The following SLC71A2 variants were observed in gnomAD, a reference collection of about 807,000 sequenced individuals.
SLC71A2 encodes hippocampus abundant transcript-like 1.
the SLC71A2 span, chr9:94,460,866 TTGGTTTTTAG>T: frequency 6.6e-6 from 1 of 152,218 alleles, no homozygotes; most frequent in South Asian, 2.1e-4. Context: ...TACTATGCTA[TTGGTTTTTAG>T]GTTAAGCTTC....
the SLC71A2 span, chr9:94,444,963 G>A: frequency 6.2e-7 from 1 of 1,613,300 alleles, no homozygotes; most frequent in Non-Finnish European, 8.5e-7. Flanking sequence ...CTTTCCCACA[G>A]GTCTCAGCCA....
the SLC71A2 span, among the ~76,000 whole-genome samples, chr9:94,455,011 G>A: frequency 1.3e-5 from 2 of 152,058 alleles, no homozygotes; most frequent in Non-Finnish European, 1.5e-5. Context: ...CATTTTAGAC[G>A]GTAGAGCTGG....
At chr9:94,460,122 G>C in the SLC71A2 span, 1 of 152,268 alleles carries the variant, frequency 6.6e-6, no homozygotes, top group Non-Finnish European at 1.5e-5. Context: ...TCCTGGACCT[G>C]GTGTCCTGGT....
the SLC71A2 span, among the ~76,000 whole-genome samples, chr9:94,450,784 T>C: frequency 1.1e-4 from 17 of 152,188 alleles, no homozygotes; most frequent in African/African-American, 4.1e-4. Context: ...CCACTGCACC[T>C]AGCCCCAAAA....
the SLC71A2 span, chr9:94,458,263 T>A: frequency 6.5e-7 from 1 of 1,533,600 alleles, no homozygotes; most frequent in Non-Finnish European, 8.9e-7. Context: ...ACTGTGCAGC[T>A]CCAAATCTTG....
chr9:94,435,947 G>C, the SLC71A2 span, among the ~76,000 whole-genome samples: 1 of 149,254 alleles, frequency 6.7e-6, no homozygotes, highest in South Asian at 2.2e-4. Flanking sequence ...CACCATACCT[G>C]GCCCCTTTTT....
At chr9:94,409,129 CTTTTTTTTT>C in the SLC71A2 span, among the ~76,000 whole-genome samples, 265 of 68,240 alleles carry the variant, frequency 3.9e-3, 3 homozygotes, top group African/African-American at 0.017. Context: ...GCCCGGCCTC[CTTTTTTTTT>C]TTTTTTTTTT....
At chr9:94,409,654 T>G in the SLC71A2 span, among the ~76,000 whole-genome samples, 5 of 152,316 alleles carry the variant, frequency 3.3e-5, no homozygotes, top group East Asian at 1.9e-4. Flanking sequence ...ATTCAACTGG[T>G]GTGTTACATT....
At chr9:94,437,938 T>A in the SLC71A2 span, among the ~76,000 whole-genome samples, 1 of 150,552 alleles carries the variant, frequency 6.6e-6, no homozygotes, top group Non-Finnish European at 1.5e-5. Context: ...TTAGATTTTA[T>A]TTTAATTAGA....
the SLC71A2 span, among the ~76,000 whole-genome samples, chr9:94,397,671 C>T: frequency 6.6e-6 from 1 of 152,104 alleles, no homozygotes; most frequent in African/African-American, 2.4e-5. Context: ...GTTTCCTAGG[C>T]GCTCCTTGTT....
the SLC71A2 span, among the ~76,000 whole-genome samples, chr9:94,451,979 G>C: frequency 1.3e-5 from 2 of 152,162 alleles, no homozygotes; most frequent in Non-Finnish European, 2.9e-5. Flanking sequence ...GGGGGCCTCT[G>C]GTGCTCCCCT....
At chr9:94,409,262 C>T in the SLC71A2 span, among the ~76,000 whole-genome samples, 1 of 145,506 alleles carries the variant, frequency 6.9e-6, no homozygotes, top group Non-Finnish European at 1.5e-5. Flanking sequence ...ACTGCAGCCT[C>T]CCAAATAGCT....
chr9:94,411,422 T>C, the SLC71A2 span, among the ~76,000 whole-genome samples: 1 of 151,208 alleles, frequency 6.6e-6, no homozygotes, highest in Non-Finnish European at 1.5e-5. Context: ...TGTGATGTTA[T>C]GATTGATCAG....
At chr9:94,379,449 G>A in the SLC71A2 span, among the ~76,000 whole-genome samples, 2 of 139,310 alleles carry the variant, frequency 1.4e-5, no homozygotes, top group South Asian at 5.0e-4. Flanking sequence ...GTGCGGTGGC[G>A]CACAATCATA....
the SLC71A2 span, among the ~76,000 whole-genome samples, chr9:94,450,090 G>C: frequency 2.6e-4 from 39 of 152,316 alleles, no homozygotes; most frequent in African/African-American, 8.4e-4. Flanking sequence ...TGGCTGCTAC[G>C]TTTCTTTGAG....
At chr9:94,459,504 C>T in the SLC71A2 span, 28 of 1,386,036 alleles carry the variant, frequency 2.0e-5, no homozygotes, top group African/African-American at 5.7e-5. Flanking sequence ...GGATGGGAGA[C>T]GCTAGCGGCA....
chr9:94,418,177 C>T, the SLC71A2 span, among the ~76,000 whole-genome samples: 4 of 152,260 alleles, frequency 2.6e-5, no homozygotes, highest in South Asian at 6.2e-4. Context: ...AAGTGTTTTA[C>T]ACTTGATAAT....
chr9:94,436,504 A>C, the SLC71A2 span, among the ~76,000 whole-genome samples: 1 of 152,192 alleles, frequency 6.6e-6, no homozygotes, highest in Non-Finnish European at 1.5e-5. Flanking sequence ...AAACTTACCC[A>C]CAGCTTCTTT....
At chr9:94,408,333 G>T in the SLC71A2 span, among the ~76,000 whole-genome samples, 1 of 152,166 alleles carries the variant, frequency 6.6e-6, no homozygotes, top group African/African-American at 2.4e-5. Context: ...AGGAACAGCT[G>T]TATAGGGTTT....
Sources: gnomAD v4.1 joint callset for allele counts (sites outside exome capture counted in the v4.1 genomes callset) on GRCh38, gnomAD v4.1.1 for gene constraint, MANE v1.5 for transcripts, NCBI Gene and HGNC (gene_info 2026-07-23, HGNC 2026-07-21) for gene names.